Variants in CUX2 observed in about 807,000 individuals in gnomAD.
The protein encoded by CUX2 is cut like homeobox 2.
CUX2 carries 40 observed loss-of-function variants against 144.8 expected under a neutral mutation model. The ratio of observed to expected loss-of-function variants is 0.28; its 90% CI spans 0.21 to 0.36. CUX2 has a LOEUF of 0.36. Among genes scored for constraint, CUX2 ranks in the 10% least tolerant of loss-of-function variants. The probability of loss-of-function intolerance (pLI) is 1.00; values close to 1 mark genes in which losing one functional copy is unlikely to be tolerated. For synonymous variants in CUX2, 827 were observed against 875.6 expected (o/e 0.94, Z 0.98); for missense variants, 1,615 against 1,994.0 (o/e 0.81, Z 3.62).
At position 111,186,337 on chromosome 12, in the gene CUX2, C is replaced by G. The variant is rs1336739317; in HGVS notation, c.64-27863C>G. Reference sequence around the variant, plus strand: ...GAATGTGGTCCACCCAGGCCCCTGCCTTCAGGGGTGGACACTCCATGGGGG... The same window carrying G: ...GAATGTGGTCCACCCAGGCCCCTGCGTTCAGGGGTGGACACTCCATGGGGG... On this transcript the variant is annotated intron_variant, in intron 1 of 21. Coordinates refer to ENST00000261726, the MANE Select transcript of CUX2 (RefSeq NM_015267.4). This position sits in a 1 kb window ranked among gnomAD's most constrained non-coding sequence, Gnocchi z 4.4. Among the ~76,000 whole-genome samples, 1 of 152,174 alleles carries G rather than the reference C, an allele frequency of 6.6e-6. No homozygotes were observed. The highest frequency in any genetic ancestry group is 1.5e-5 in the Non-Finnish European group (1 of 68,022).
intron 4 of CUX2, among the ~76,000 whole-genome samples, chr12:111,282,655 C>G (rs1592914965): frequency 6.8e-6 from 1 of 147,008 alleles, no homozygotes; most frequent in East Asian, 2.0e-4. Context: ...AAAAATCACA[C>G]AGAACAGGAG....
Position 111,035,228 on chromosome 12 carries a change from C to T in CUX2, c.63+988C>T, listed in dbSNP as rs56351426. Among the ~76,000 whole-genome samples the T allele has an allele frequency of 1.3e-5, 2 of 152,376 alleles. No homozygotes were observed. The highest frequency in any genetic ancestry group is 6.8e-3 in the Middle Eastern group (2 of 294). On this transcript the variant is annotated intron_variant, in intron 1 of 21. Coordinates refer to ENST00000261726, the MANE Select transcript of CUX2 (RefSeq NM_015267.4). This position sits in a 1 kb window ranked among gnomAD's most constrained non-coding sequence, Gnocchi z 6.0. ...TCTGCTTTTCTTCTGTTTCTTTCCT[C>T]TCTTCCCTGCTCTTTCTCTCTCCTT...
In CUX2 at chr12:111,281,609, G is replaced by A. The variant is rs150794921; in HGVS notation, c.302-9809G>A. 3.3e-5 allele frequency among the ~76,000 whole-genome samples: 5 copies of A among 152,332 alleles called. No individual in the cohort carries two copies. The East Asian group carries it at 9.6e-4, about 29-fold the overall frequency. ...AATAAACGGGCTGAGTGAAGCAGGC[G>A]CAAGGACTCAGGTGCCCTGAGGATC... On this transcript the variant is annotated intron_variant, in intron 4 of 21. Transcript: ENST00000261726.
chr12:111,288,879 C>T (rs752248065), intron 4 of CUX2, among the ~76,000 whole-genome samples: 3 of 152,110 alleles, frequency 2.0e-5, no homozygotes, highest in Non-Finnish European at 4.4e-5. Context: ...AGGAATGTTG[C>T]TTGAACTCAG....
intron 1 of CUX2, among the ~76,000 whole-genome samples, chr12:111,139,153 A>G (rs776709081): frequency 2.6e-5 from 4 of 152,104 alleles, no homozygotes; most frequent in Non-Finnish European, 5.9e-5. Context: ...GCATGAGGAT[A>G]AGATAGCCCT....
intron 1 of CUX2, among the ~76,000 whole-genome samples, chr12:111,083,391 C>T (rs1033582610): frequency 6.6e-6 from 1 of 151,996 alleles, no homozygotes; most frequent in African/African-American, 2.4e-5. Context: ...GGGCCGGGGT[C>T]CAAGGTCTAG....
intron 8 of CUX2, among the ~76,000 whole-genome samples, chr12:111,297,547 G>A (rs375076856): frequency 1.2e-4 from 18 of 152,292 alleles, no homozygotes; most frequent in African/African-American, 3.8e-4. Context: ...GGGCCCCTGG[G>A]ACTGTCCCCG....
chr12:111,303,150 G>A (rs1215734282), intron 9 of CUX2, among the ~76,000 whole-genome samples: 2 of 143,880 alleles, frequency 1.4e-5, no homozygotes, highest in African/African-American at 2.5e-5. Context: ...GATCCCGGGA[G>A]TTGGAGGTTG....
At chr12:111,226,600 C>T (rs3809286) in intron 3 of CUX2, among the ~76,000 whole-genome samples, 47,190 of 152,044 alleles carry the variant, frequency 0.31, 8,711 homozygotes, top group East Asian at 0.64. Context: ...ACGATATTGA[C>T]TGATTTTTTT....
Position 111,350,504 on chromosome 12 carries a change from AAAAG to A in CUX2, c.*2180_*2183del, listed in dbSNP as rs2085060708. ...GATGAACTTTGTTTAAAATTTTAAA[AAAAG>A]GAACACGTTCTGTAAACGAGTCGCT... On this transcript the variant is annotated 3_prime_UTR_variant, in exon 22 of 22. Transcript: ENST00000261726. 2.0e-5 allele frequency: 3 copies of A among 152,586 alleles called. No homozygotes were observed. In the East Asian group the frequency reaches 5.8e-4, roughly 29 times the overall value. The allele number at this position is 152,586 out of a possible 1,614,324, so 9.5% of individuals were successfully genotyped here. A position where few individuals can be genotyped will look rare whatever the true frequency, so the allele number is the denominator to read the frequency against.
At chr12:111,177,152 G>A (rs966572097) in intron 1 of CUX2, among the ~76,000 whole-genome samples, 1 of 152,116 alleles carries the variant, frequency 6.6e-6, no homozygotes, top group Non-Finnish European at 1.5e-5. Context: ...CCTCTGGCAT[G>A]CCAGCACCCC....
intron 18 of CUX2, among the ~76,000 whole-genome samples, chr12:111,331,714 C>CCGA (rs985819809): frequency 5.9e-5 from 9 of 152,078 alleles, no homozygotes; most frequent in African/African-American, 1.9e-4. Context: ...AGTCATCCAC[C>CCGA]CGAGATCACA....
At chr12:111,286,189 G>A (rs1885370098) in intron 4 of CUX2, among the ~76,000 whole-genome samples, 1 of 152,168 alleles carries the variant, frequency 6.6e-6, no homozygotes, top group Admixed American at 6.6e-5. Flanking sequence ...GCCAGCACCT[G>A]GTGTGCTGCC....
chr12:111,319,139 C>A (rs907016199), intron 16 of CUX2, among the ~76,000 whole-genome samples: 1 of 151,914 alleles, frequency 6.6e-6, no homozygotes, highest in Non-Finnish European at 1.5e-5. Flanking sequence ...TATGGCAAAA[C>A]CCCGTCTCTA....
At position 111,342,004 on chromosome 12, in the gene CUX2, C is replaced by T; in HGVS notation, c.3610C>T (p.Gln1204Ter). 1 of 1,614,106 alleles carries T rather than the reference C, an allele frequency of 6.2e-7. No homozygotes were observed. The highest frequency in any genetic ancestry group is 8.5e-7 in the Non-Finnish European group (1 of 1,180,014). ...GCAGACCATCGAGCTCCTCTCCTTCCAGCTCAACCTCAAGACCAACACCGT... is the reference window on the plus strand; with the variant it reads ...GCAGACCATCGAGCTCCTCTCCTTCTAGCTCAACCTCAAGACCAACACCGT... ...SQQTIELLSF[Q>*]LNLKTNTVIN... Residue 1204 changes from glutamine (Q) to a stop codon, truncating the protein, a stop_gained, in exon 21 of 22, where the codon CAG (glutamine) becomes TAG (stop). Transcript: ENST00000261726. LOFTEE classifies it high-confidence loss of function.
At position 111,322,432 on chromosome 12, in the gene CUX2, G is replaced by A. The variant is rs1250914902; in HGVS notation, c.2778G>A (p.Leu926=). ...CCCGCCCCTCGCAGGTGCTGGGCCT[G>A]TCACAGGGCAGCGTGAGCGACATGC... ...QRIFGEKVLG[L]SQGSVSDMLS... Residue 926 remains leucine, a synonymous_variant, in exon 18 of 22, where the codon CTG becomes CTA. Transcript: ENST00000261726. This position sits in a 1 kb window ranked among gnomAD's most constrained non-coding sequence, Gnocchi z 4.2. 5 of 1,562,152 alleles carry A rather than the reference G, an allele frequency of 3.2e-6. No individual in the cohort carries two copies. The highest frequency in any genetic ancestry group is 1.2e-5 in the South Asian group (1 of 84,812).
At chr12:111,093,668 A>AG in intron 1 of CUX2, among the ~76,000 whole-genome samples, 1 of 152,262 alleles carries the variant, frequency 6.6e-6, no homozygotes, top group East Asian at 1.9e-4. Flanking sequence ...CTGAGCTTTT[A>AG]GGGGGAAGTC....
At chr12:111,055,636 G>A (rs1870483174) in intron 1 of CUX2, among the ~76,000 whole-genome samples, 1 of 152,230 alleles carries the variant, frequency 6.6e-6, no homozygotes, top group Non-Finnish European at 1.5e-5. Context: ...CCTCCCGCCT[G>A]GCCCCCAAGG....
intron 18 of CUX2, among the ~76,000 whole-genome samples, chr12:111,331,804 C>T (rs1888129523): frequency 2.0e-5 from 3 of 152,000 alleles, no homozygotes; most frequent in South Asian, 4.2e-4. Flanking sequence ...ATGGGCCCGG[C>T]ATGGTAGTTC....
Sources: allele counts gnomAD v4.1 joint callset (sites outside exome capture counted in the v4.1 genomes callset), GRCh38; gene constraint gnomAD v4.1.1; non-coding constraint Gnocchi (gnomAD v3.1); transcripts MANE v1.5; gene names NCBI Gene and HGNC (gene_info 2026-07-23, HGNC 2026-07-21).